KAT6A: variants seen among roughly 807,000 people sequenced by gnomAD.
KAT6A encodes histone acetyltransferase KAT6A.
Under a neutral mutation model 198.4 loss-of-function variants are expected in KAT6A, and 9 were observed. The ratio of observed to expected loss-of-function variants is 0.05; its 90% CI spans 0.03 to 0.08. KAT6A has a LOEUF of 0.08. Among genes scored for constraint, KAT6A ranks in the 10% least tolerant of loss-of-function variants. The pLI, the probability that KAT6A is intolerant of heterozygous loss-of-function variation, is 1.00. For synonymous variants in KAT6A, 890 were observed against 883.0 expected (o/e 1.01, Z -0.14); for missense variants, 2,077 against 2,509.9 (o/e 0.83, Z 3.69).
chr8:41,981,926 A>G lies in KAT6A; in HGVS notation c.738T>C (p.Pro246=). 2 of 1,613,402 alleles carry G rather than the reference A, an allele frequency of 1.2e-6. No homozygotes were observed. Among genetic ancestry groups the G allele is most frequent in the Non-Finnish European group, 8.5e-7 (1 of 1,179,356 alleles). ...SGHPSCLKFS[P]ELTVRVKALR... ...AGGCCTTCACTCGAACCGTTAGTTC[A>G]GGGGAAAACTTTAAACAGGATGGAT... The change falls in exon 4 of 17, where the codon CCT becomes CCC. Residue 246 remains proline (P), a synonymous_variant. Transcript: ENST00000265713.
rs377427927 is a variant in KAT6A, at chr8:41,981,791, A to T, written c.825+48T>A. The T allele has an allele frequency of 2.6e-6, 3 of 1,139,826 alleles. No homozygotes were observed. In the Admixed American group the frequency reaches 5.2e-5, roughly 20 times the overall value. 70.6% of individuals were successfully genotyped at this position (1,139,826 alleles called of 1,614,324 possible). On this transcript the variant is annotated intron_variant, in intron 4 of 16. Coordinates refer to ENST00000265713, the MANE Select transcript of KAT6A (RefSeq NM_006766.5). Reference sequence around the variant, plus strand: ...ACTTAGATGAAAATGCTGGTCGTACATTCTACTACTAAATGAAACACCCAT... The same window carrying T: ...ACTTAGATGAAAATGCTGGTCGTACTTTCTACTACTAAATGAAACACCCAT...
chr8:41,933,985 T>A lies in KAT6A; in HGVS notation c.4235A>T (p.Glu1412Val). The A allele has an allele frequency of 6.2e-7, 1 of 1,614,086 alleles. No homozygotes were observed. Among genetic ancestry groups the A allele is most frequent in the Non-Finnish European group, 8.5e-7 (1 of 1,180,032 alleles). ...TKEELIELKE[E>V]EEIPHSELDL... ...CAGCTCACTATGAGGAATCTCTTCCTCCTCTTTTAATTCGATTAACTCTTC... is the reference window on the plus strand; with the variant it reads ...CAGCTCACTATGAGGAATCTCTTCCACCTCTTTTAATTCGATTAACTCTTC... Residue 1412 changes from glutamate to valine, a missense_variant, in exon 17 of 17, where the codon GAG (glutamate) becomes GTG (valine). This residue lies in a region of KAT6A where 178 missense variants were observed against 220.8 expected (regional missense o/e 0.81). Coordinates refer to ENST00000265713, the MANE Select transcript of KAT6A (RefSeq NM_006766.5). The surrounding 1 kb of genome is among the most constrained non-coding windows in gnomAD (Gnocchi z 6.2).
chr8:41,950,892 G>A (rs368995784), intron 9 of KAT6A, among the ~76,000 whole-genome samples: 34 of 151,888 alleles, frequency 2.2e-4, no homozygotes, highest in African/African-American at 7.2e-4. Context: ...TTAAAAAATC[G>A]AAAATATTCA....
intron 7 of KAT6A, among the ~76,000 whole-genome samples, chr8:41,976,284 T>A (rs1011155247): frequency 1.3e-5 from 2 of 152,214 alleles, no homozygotes; most frequent in South Asian, 4.1e-4. Flanking sequence ...AAGCCCTTTC[T>A]ACTTCCTTCA....
At chr8:42,030,908 G>A (rs934898229) in intron 2 of KAT6A, among the ~76,000 whole-genome samples, 8 of 151,394 alleles carry the variant, frequency 5.3e-5, no homozygotes, top group African/African-American at 1.9e-4. Context: ...GACAACTTTT[G>A]TATATGTGGT....
At chr8:42,009,562 C>T (rs1825910960) in intron 2 of KAT6A, among the ~76,000 whole-genome samples, 1 of 151,748 alleles carries the variant, frequency 6.6e-6, no homozygotes, top group Non-Finnish European at 1.5e-5. Context: ...TTCACAAAAC[C>T]TTTAATTTTT....
At chr8:41,952,820 T>C (rs1425620421) in intron 9 of KAT6A, among the ~76,000 whole-genome samples, 2 of 152,120 alleles carry the variant, frequency 1.3e-5, no homozygotes, top group Non-Finnish European at 2.9e-5. Context: ...TTTAAGTAAA[T>C]ATAATTTTTT....
rs1201906368 is a variant in KAT6A at position 41,929,549 on chromosome 8, A to T, written c.*2656T>A. 1 of 186,336 alleles carries T rather than the reference A, an allele frequency of 5.4e-6. No homozygotes were observed. The highest frequency in any genetic ancestry group is 1.1e-5 in the Non-Finnish European group (1 of 88,188). 11.5% of individuals were successfully genotyped at this position (186,336 alleles called of 1,614,324 possible). ...GAGTTCTTTTGAAAGTACTTGCTAG[A>T]AAGGGGAAAAAAAGGTATTACATAC... On this transcript the variant is annotated 3_prime_UTR_variant, in exon 17 of 17. Coordinates refer to ENST00000265713, the MANE Select transcript of KAT6A (RefSeq NM_006766.5).
chr8:42,020,182 G>A (rs1826463570), intron 2 of KAT6A, among the ~76,000 whole-genome samples: 1 of 152,092 alleles, frequency 6.6e-6, no homozygotes, highest in Admixed American at 6.5e-5. Context: ...TGTAAATAAA[G>A]TCTTTCTGGA....
In KAT6A at chr8:41,932,958, G is replaced by C; in HGVS notation, c.5262C>G (p.Ala1754=). 6.2e-7 allele frequency: 1 copy of C among 1,614,172 alleles called. No individual in the cohort carries two copies. The change falls in exon 17 of 17, where the codon GCC becomes GCG. Residue 1754 remains alanine, a synonymous_variant. Coordinates refer to ENST00000265713, the MANE Select transcript of KAT6A (RefSeq NM_006766.5). ...YSQPSATFSL[A]KLQQLTNTIM... Reference sequence around the variant, plus strand: ...TGGTGTTGGTCAGCTGCTGCAGCTTGGCTAGGCTGAAGGTGGCTGATGGTT... The same window carrying C: ...TGGTGTTGGTCAGCTGCTGCAGCTTCGCTAGGCTGAAGGTGGCTGATGGTT...
At chr8:41,988,922 T>C (rs1044084484) in intron 2 of KAT6A, among the ~76,000 whole-genome samples, 5 of 152,192 alleles carry the variant, frequency 3.3e-5, no homozygotes, top group African/African-American at 1.2e-4. Flanking sequence ...CATTGGTTCA[T>C]TGATTTGCTT....
chr8:41,958,784 G>C (rs1281118157), intron 8 of KAT6A, among the ~76,000 whole-genome samples: 2 of 152,156 alleles, frequency 1.3e-5, no homozygotes, highest in Non-Finnish European at 2.9e-5. Context: ...GCATAAGTAA[G>C]GAATACAAAT....
intron 7 of KAT6A, among the ~76,000 whole-genome samples, chr8:41,976,765 C>T (rs1824073756): frequency 6.6e-6 from 1 of 152,126 alleles, no homozygotes; most frequent in Non-Finnish European, 1.5e-5. Context: ...TGTGGTTCTA[C>T]AAAAAAGCAG....
At chr8:42,044,250 A>G (rs1827801389) in intron 2 of KAT6A, among the ~76,000 whole-genome samples, 2 of 151,774 alleles carry the variant, frequency 1.3e-5, no homozygotes, top group African/African-American at 4.8e-5. Context: ...ACAGGCACCC[A>G]CCATCATGCC....
In KAT6A at chr8:41,994,125, T is replaced by C. The variant is rs145747530; in HGVS notation, c.601-6562A>G. Among the ~76,000 whole-genome samples the C allele has an allele frequency of 1.5e-3, 233 of 152,346 alleles. 3 individuals are homozygous for C. The highest frequency in any genetic ancestry group is 5.4e-3 in the African/African-American group (225 of 41,566). Reference sequence around the variant, plus strand: ...CAGACCTATCCAAGCTTCTTTCTTATACCTTATTGTTCCCATGATCTATAT... The same window carrying C: ...CAGACCTATCCAAGCTTCTTTCTTACACCTTATTGTTCCCATGATCTATAT... On this transcript the variant is annotated intron_variant, in intron 2 of 16. Coordinates refer to ENST00000265713, the MANE Select transcript of KAT6A (RefSeq NM_006766.5).
At chr8:41,944,318 T>G (rs1029619368) in intron 12 of KAT6A, among the ~76,000 whole-genome samples, 2 of 152,228 alleles carry the variant, frequency 1.3e-5, no homozygotes, top group African/African-American at 4.8e-5. Context: ...TTTGGACCAC[T>G]AGATGGCAAC....
intron 2 of KAT6A, among the ~76,000 whole-genome samples, chr8:42,044,051 A>G (rs1186297955): frequency 6.6e-6 from 1 of 151,498 alleles, no homozygotes; most frequent in African/African-American, 2.4e-5. Flanking sequence ...ATTAACTACC[A>G]CACTCTAAAG....
At chr8:41,950,910 C>T (rs1407797360) in intron 9 of KAT6A, among the ~76,000 whole-genome samples, 3 of 151,448 alleles carry the variant, frequency 2.0e-5, no homozygotes, top group Non-Finnish European at 2.9e-5. Context: ...TCAATAAATG[C>T]TAATTACTTT....
intron 3 of KAT6A, among the ~76,000 whole-genome samples, chr8:41,984,981 A>T (rs1246458450): frequency 7.4e-6 from 1 of 134,442 alleles, no homozygotes; most frequent in Admixed American, 7.2e-5. Context: ...AGACTGTCTC[A>T]AAAAAAAAAA....
Sources: gnomAD v4.1 joint callset for allele counts (sites outside exome capture counted in the v4.1 genomes callset) on GRCh38, gnomAD v4.1.1 for gene constraint, gnomAD v4.1.1 regional missense constraint, Gnocchi (gnomAD v3.1) non-coding constraint, MANE v1.5 for transcripts, NCBI Gene and HGNC (gene_info 2026-07-23, HGNC 2026-07-21) for gene names.